The following USP37 variants were observed in gnomAD, a reference collection of about 807,000 sequenced individuals.
The protein encoded by USP37 is ubiquitin specific peptidase 37.
A neutral mutation model predicts 124.0 loss-of-function variants in USP37; 27 were observed. The observed-to-expected ratio is 0.22, with a 90% CI of 0.16 to 0.30. The LOEUF (loss-of-function observed/expected upper bound fraction) is 0.30, where lower values mean the gene tolerates loss of function less well. USP37 is among the 10% of genes least tolerant of loss of function. The pLI is 1.00. For synonymous variants in USP37, 365 were observed against 388.0 expected (o/e 0.94, Z 0.70); for missense variants, 889 against 1,140.4 (o/e 0.78, Z 3.17).
At chr2:218,506,068 T>G (rs571828929) in intron 11 of USP37, among the ~76,000 whole-genome samples, 1 of 152,058 alleles carries the variant, frequency 6.6e-6, no homozygotes, top group East Asian at 1.9e-4. Flanking sequence ...TTCGCTATGT[T>G]GCCCAGATTG....
intron 11 of USP37, 50 bp from the exon 12 acceptor site, chr2:218,498,207 T>C (rs1283140864): frequency 2.0e-6 from 3 of 1,522,618 alleles, no homozygotes; most frequent in East Asian, 4.6e-5. Flanking sequence ...ATTCCTAAAG[T>C]ATGTTCAGTA....
rs1349650959 is a variant in USP37 at position 218,480,291 on chromosome 2, G to A, written c.1836-576C>T. Among the ~76,000 whole-genome samples, 13 of 151,530 alleles carry A rather than the reference G, an allele frequency of 8.6e-5. No individual in the cohort carries two copies. In the South Asian group the frequency reaches 1.5e-3, roughly 17 times the overall value. ...GGCAGGCGCCTGTAGTCCCAGCTAC[G>A]CGGGAGGCTGACGCAGGAGAATGGC... On this transcript the variant is annotated intron_variant, in intron 17 of 25. Coordinates refer to ENST00000258399, the MANE Select transcript of USP37 (RefSeq NM_020935.3).
intron 9 of USP37, 62 bp from the exon 10 acceptor site, chr2:218,530,102 A>G: frequency 7.7e-7 from 1 of 1,305,590 alleles, no homozygotes; most frequent in Non-Finnish European, 1.1e-6. Flanking sequence ...AGTTCATTTA[A>G]TAATAAAAGT....
Position 218,488,338 on chromosome 2 carries a change from C to T in USP37, c.1556G>A (p.Arg519His), listed in dbSNP as rs144397002. The change falls in exon 15 of 26, where the codon CGT (arginine) becomes CAT (histidine). Residue 519 changes from arginine to histidine, a missense_variant. This residue lies in a region of USP37 where 504 missense variants were observed against 714.3 expected (regional missense o/e 0.71). Transcript: ENST00000258399. ...LPRRKKPLPP[R>H]SIQDSLDLFF... is the part of the protein sequence containing the mutation. Reference sequence around the variant, plus strand: ...AAGATCAAGAGAATCTTGAATTGAACGAGGAGGGAGTGGTTTTTTCCTACG... The same window carrying T: ...AAGATCAAGAGAATCTTGAATTGAATGAGGAGGGAGTGGTTTTTTCCTACG... 1.1e-5 allele frequency: 18 copies of T among 1,611,160 alleles called. No individual in the cohort carries two copies. The highest frequency in any genetic ancestry group is 9.4e-5 in the African/African-American group (7 of 74,724).
intron 6 of USP37, 113 bp downstream of exon 6, chr2:218,549,696 C>G: frequency 2.3e-6 from 2 of 883,598 alleles, no homozygotes; most frequent in Non-Finnish European, 3.3e-6. Context: ...GACTCCTGAC[C>G]TCGGGTGATC....
intron 10 of USP37, among the ~76,000 whole-genome samples, chr2:218,515,771 C>T (rs954239325): frequency 5.3e-5 from 8 of 152,100 alleles, no homozygotes; most frequent in South Asian, 2.1e-4. Flanking sequence ...ACTTACAGAA[C>T]GGGAGAAAAT....
intron 11 of USP37, among the ~76,000 whole-genome samples, chr2:218,509,046 A>G (rs774269309): frequency 3.9e-5 from 6 of 152,238 alleles, no homozygotes; most frequent in Non-Finnish European, 7.3e-5. Context: ...TATCCTACAG[A>G]AAATTTCCAA....
chr2:218,515,918 G>A lies in USP37; in HGVS notation c.864-5778C>T, dbSNP rs375614604. Among the ~76,000 whole-genome samples the A allele has an allele frequency of 2.8e-4, 43 of 151,502 alleles. No individual in the cohort carries two copies. In the Middle Eastern group the frequency reaches 0.014, roughly 48 times the overall value. Reference sequence around the variant, plus strand: ...ACTTCTCAAAAGAAGACATTTATGCGGCTAACAAACGTGAAAAAAAGCTCG... The same window carrying A: ...ACTTCTCAAAAGAAGACATTTATGCAGCTAACAAACGTGAAAAAAAGCTCG... On this transcript the variant is annotated intron_variant, in intron 10 of 25. Transcript: ENST00000258399.
intron 16 of USP37, among the ~76,000 whole-genome samples, chr2:218,484,623 A>AAACAAC (rs71064453): frequency 1.1e-4 from 2 of 18,606 alleles, no homozygotes; most frequent in Non-Finnish European, 1.9e-4. Context: ...CTCTGTATCA[A>AAACAAC]AACAACAACA....
At chr2:218,495,355 T>C (rs1270831200) in intron 14 of USP37, among the ~76,000 whole-genome samples, 4 of 152,216 alleles carry the variant, frequency 2.6e-5, no homozygotes, top group African/African-American at 9.6e-5. Flanking sequence ...TTGCCCAGGC[T>C]GGTCTTGAAC....
intron 22 of USP37, 83 bp downstream of exon 22, chr2:218,463,216 ACACACAC>A: frequency 1.6e-6 from 1 of 614,878 alleles, no homozygotes; most frequent in Non-Finnish European, 2.7e-6. Context: ...ACACACACAC[ACACACAC>A]ACACACACTT....
chr2:218,461,327 G>A (rs1039979144), intron 22 of USP37, among the ~76,000 whole-genome samples: 29 of 151,792 alleles, frequency 1.9e-4, no homozygotes, highest in African/African-American at 6.8e-4. Flanking sequence ...GACCAACATG[G>A]TAAACTCCAC....
At chr2:218,499,929 C>T (rs899466369) in intron 11 of USP37, among the ~76,000 whole-genome samples, 18 of 152,068 alleles carry the variant, frequency 1.2e-4, no homozygotes, top group African/African-American at 3.9e-4. Context: ...TGCCACTATG[C>T]CTGGGTAATT....
In USP37 at chr2:218,463,558, C is replaced by G. The variant is rs1172822002; in HGVS notation, c.2467-192G>C. Among the ~76,000 whole-genome samples, 15 of 113,724 alleles carry G rather than the reference C, an allele frequency of 1.3e-4. No individual in the cohort carries two copies. In the East Asian group the frequency reaches 4.1e-3, roughly 31 times the overall value. The allele number at this position is 113,724 out of a possible 152,430, so 74.6% of individuals were successfully genotyped here. On this transcript the variant is annotated intron_variant, in intron 21 of 25. Transcript: ENST00000258399. ...TTTTTTTTTTTTTTTTTTTTTGAGA[C>G]GGAGTCTCGCTCTGTCCCCCAGGCT...
At chr2:218,557,636 T>C (rs1199680928) in intron 4 of USP37, among the ~76,000 whole-genome samples, 1 of 45,120 alleles carries the variant, frequency 2.2e-5, no homozygotes, top group Non-Finnish European at 4.2e-5. Context: ...AATTTAAAAA[T>C]ATAATATCTT....
At chr2:218,543,793 G>A (rs1382161035) in intron 8 of USP37, among the ~76,000 whole-genome samples, 3 of 151,310 alleles carry the variant, frequency 2.0e-5, no homozygotes, top group Non-Finnish European at 4.4e-5. Flanking sequence ...GCAACACAGC[G>A]AGACTCCGTC....
At position 218,477,095 on chromosome 2, in the gene USP37, A is replaced by T. The variant is rs1691022571; in HGVS notation, c.1902-114T>A. ...CATTACGGAAAATTACTTAACAGAAAAAAAAGATATATCAAAAGAGGTATA... is the reference window on the plus strand; with the variant it reads ...CATTACGGAAAATTACTTAACAGAATAAAAAGATATATCAAAAGAGGTATA... On this transcript the variant is annotated intron_variant, in intron 18 of 25. Coordinates refer to ENST00000258399, the MANE Select transcript of USP37 (RefSeq NM_020935.3). 4 of 1,217,440 alleles carry T rather than the reference A, an allele frequency of 3.3e-6. No homozygotes were observed. In the Admixed American group the frequency reaches 1.4e-4, roughly 43 times the overall value. The allele number at this position is 1,217,440 out of a possible 1,614,324, so 75.4% of individuals were successfully genotyped here.
chr2:218,461,777 G>A (rs1036413692), intron 22 of USP37, among the ~76,000 whole-genome samples: 3 of 151,794 alleles, frequency 2.0e-5, no homozygotes, highest in Non-Finnish European at 4.4e-5. Context: ...AGGCCGAGGC[G>A]GGTGGGTGAA....
intron 10 of USP37, among the ~76,000 whole-genome samples, chr2:218,512,798 T>C (rs750776867): frequency 2.6e-5 from 4 of 152,194 alleles, no homozygotes; most frequent in Admixed American, 6.5e-5. Flanking sequence ...TTTCAACCTT[T>C]CTGCATCTTT....
Sources: gnomAD v4.1 joint callset for allele counts (sites outside exome capture counted in the v4.1 genomes callset) on GRCh38, gnomAD v4.1.1 for gene constraint, gnomAD v4.1.1 regional missense constraint, MANE v1.5 for transcripts, NCBI Gene and HGNC (gene_info 2026-07-23, HGNC 2026-07-21) for gene names.